OSTM1: variants seen among roughly 807,000 people sequenced by gnomAD.
OSTM1 encodes the protein osteopetrosis-associated transmembrane protein 1.
A neutral mutation model predicts 35.4 loss-of-function variants in OSTM1; 26 were observed. That is an observed-to-expected ratio of 0.73 (90% CI 0.54 to 1.02). OSTM1 has a LOEUF of 1.02. Among genes scored for constraint, OSTM1 ranks in the 50% least tolerant of loss-of-function variants. OSTM1 has a pLI of 0.00. For missense variants in OSTM1, 366 were observed against 409.6 expected, an observed-to-expected ratio of 0.89 and a Z score of 0.92; for synonymous variants, 181 against 165.0, an observed-to-expected ratio of 1.10 and a Z score of -0.75.
intron 1 of OSTM1, among the ~76,000 whole-genome samples, chr6:108,071,187 C>CAA (rs540297028): frequency 7.0e-6 from 1 of 141,948 alleles, no homozygotes; most frequent in Admixed American, 7.1e-5. Flanking sequence ...GACTCTGTCT[C>CAA]AAAAAAAAAA....
At chr6:108,052,532 T>TTTTTG (rs1772095201) in intron 3 of OSTM1, among the ~76,000 whole-genome samples, 1 of 149,430 alleles carries the variant, frequency 6.7e-6, no homozygotes, top group African/African-American at 2.5e-5. Context: ...TTTTTTTTTT[T>TTTTTG]GAGACACGGT....
At chr6:108,062,535 CT>C (rs780041339) in intron 2 of OSTM1, among the ~76,000 whole-genome samples, 590 of 131,022 alleles carry the variant, frequency 4.5e-3, no homozygotes, top group East Asian at 0.019. Flanking sequence ...CTTTTCTTTT[CT>C]TTTTTTTTTT....
Position 108,042,578 on chromosome 6 carries a change from G to C in OSTM1, c.*2207C>G, listed in dbSNP as rs1043009752. 1 of 151,716 alleles carries C rather than the reference G, an allele frequency of 6.6e-6. No individual in the cohort carries two copies. Among genetic ancestry groups the C allele is most frequent in the Non-Finnish European group, 1.5e-5 (1 of 67,962 alleles). 9.4% of individuals were successfully genotyped at this position (151,716 alleles called of 1,614,324 possible). A position where few individuals can be genotyped will look rare whatever the true frequency, so the allele number is the denominator to read the frequency against. ...CTACAGGCACTTACCACCATACCCA[G>C]CTAATTTTTGTATTTTTTGCAGAGA... On this transcript the variant is annotated 3_prime_UTR_variant, in exon 6 of 6. Transcript: ENST00000193322.
chr6:108,073,621 A>T (rs1772526591), intron 1 of OSTM1: 1 of 152,380 alleles, frequency 6.6e-6, no homozygotes, highest in Non-Finnish European at 1.5e-5. Context: ...AGAGAATGTA[A>T]GTAACTTGCC....
At chr6:108,054,157 C>T (rs1772129898) in intron 3 of OSTM1, among the ~76,000 whole-genome samples, 1 of 152,142 alleles carries the variant, frequency 6.6e-6, no homozygotes, top group Admixed American at 6.5e-5. Flanking sequence ...CTGCAAAATA[C>T]CTACGTAAGT....
intron 2 of OSTM1, among the ~76,000 whole-genome samples, chr6:108,063,770 C>T (rs1448253835): frequency 4.6e-5 from 7 of 152,180 alleles, no homozygotes; most frequent in Non-Finnish European, 1.0e-4. Flanking sequence ...ACACTAAATA[C>T]GTGTCAGGCA....
At chr6:108,073,847 T>C (rs923193491) in intron 1 of OSTM1, 11 of 217,888 alleles carry the variant, frequency 5.0e-5, no homozygotes, top group Non-Finnish European at 9.2e-6. Flanking sequence ...TTGGTGGACA[T>C]GAACATTTCT....
At chr6:108,056,233 T>C (rs569969255) in intron 2 of OSTM1, among the ~76,000 whole-genome samples, 1 of 152,256 alleles carries the variant, frequency 6.6e-6, no homozygotes, top group Admixed American at 6.5e-5. Context: ...GAGGGAAAAA[T>C]TATCATTATC....
At chr6:108,062,985 G>GCCCCTGCCCATGAC (rs11267778) in intron 2 of OSTM1, among the ~76,000 whole-genome samples, 1 of 151,762 alleles carries the variant, frequency 6.6e-6, no homozygotes, top group African/African-American at 2.4e-5. Flanking sequence ...ATACCTCTGT[G>GCCCCTGCCCATGAC]ACTACCTGCA....
At chr6:108,054,412 T>A (rs1018191609) in intron 3 of OSTM1, 78 bp downstream of exon 3, 8 of 647,862 alleles carry the variant, frequency 1.2e-5, no homozygotes, top group African/African-American at 1.1e-4. Flanking sequence ...CAATAATTAG[T>A]GCTCTAAAAA....
At chr6:108,067,997 C>A (rs1772410858) in intron 1 of OSTM1, among the ~76,000 whole-genome samples, 1 of 152,144 alleles carries the variant, frequency 6.6e-6, no homozygotes, top group African/African-American at 2.4e-5. Flanking sequence ...CCCTGTTCAA[C>A]CCACTCTGAT....
Position 108,041,874 on chromosome 6 carries a change from C to T in OSTM1, c.*2911G>A, listed in dbSNP as rs1771873712. 1 of 152,220 alleles carries T rather than the reference C, an allele frequency of 6.6e-6. No individual in the cohort carries two copies. Among genetic ancestry groups the T allele is most frequent in the Non-Finnish European group, 1.5e-5 (1 of 68,014 alleles). 9.4% of individuals were successfully genotyped at this position (152,220 alleles called of 1,614,324 possible). On this transcript the variant is annotated 3_prime_UTR_variant, in exon 6 of 6. Coordinates refer to ENST00000193322, the MANE Select transcript of OSTM1 (RefSeq NM_014028.4). The stretch of plus-strand genomic sequence containing the variant: ...AGATGGCCTCTAAGGTTTCTTCTAG[C>T]TCAGAAAATAGAGGTACTTGGAACA...
chr6:108,066,048 G>C (rs752959261), intron 1 of OSTM1, among the ~76,000 whole-genome samples: 5 of 152,158 alleles, frequency 3.3e-5, no homozygotes, highest in Non-Finnish European at 7.3e-5. Flanking sequence ...ATGATTATGT[G>C]GTATTCGGAG....
chr6:108,073,293 C>T (rs1194538776), intron 1 of OSTM1, among the ~76,000 whole-genome samples: 1 of 152,138 alleles, frequency 6.6e-6, no homozygotes, highest in Admixed American at 6.5e-5. Context: ...TTCTCCAATC[C>T]CAATGTTATT....
rs1370670172 is a variant in OSTM1, at chr6:108,042,494, C to T, written c.*2291G>A. The T allele has an allele frequency of 2.7e-5, 4 of 148,346 alleles. No homozygotes were observed. Among genetic ancestry groups the T allele is most frequent in the Admixed American group, 6.8e-5 (1 of 14,626 alleles). 9.2% of individuals were successfully genotyped at this position (148,346 alleles called of 1,614,324 possible). A position where few individuals can be genotyped will look rare whatever the true frequency, so the allele number is the denominator to read the frequency against. On this transcript the variant is annotated 3_prime_UTR_variant, in exon 6 of 6. Transcript: ENST00000193322. ...GCAGTGGTACAATCTTGGCTCATTG[C>T]AACCTCCACCTCCCGGGCTCAAGAC...
chr6:108,074,715 C>G lies in OSTM1; in HGVS notation c.-64G>C. ...CTCCGCCCCCAGCCGGCACCGCGGA[C>G]AGCCGCCGCTTCCGGTTTCCGCGAG... On this transcript the variant is annotated 5_prime_UTR_variant, in exon 1 of 6. Coordinates refer to ENST00000193322, the MANE Select transcript of OSTM1 (RefSeq NM_014028.4). 14 of 1,430,448 alleles carry G rather than the reference C, an allele frequency of 9.8e-6. No homozygotes were observed. The highest frequency in any genetic ancestry group is 1.3e-5 in the Non-Finnish European group (14 of 1,097,616). The allele number at this position is 1,430,448 out of a possible 1,614,324, so 88.6% of individuals were successfully genotyped here. A position where few individuals can be genotyped will look rare whatever the true frequency, so the allele number is the denominator to read the frequency against.
At chr6:108,064,664 AG>A (rs755021687) in intron 1 of OSTM1, among the ~76,000 whole-genome samples, 4 of 152,240 alleles carry the variant, frequency 2.6e-5, no homozygotes, top group Non-Finnish European at 5.9e-5. Flanking sequence ...GCCCCAAGCA[AG>A]GAACTAAGTC....
At chr6:108,055,791 C>T (rs1772160924) in intron 2 of OSTM1, among the ~76,000 whole-genome samples, 1 of 152,122 alleles carries the variant, frequency 6.6e-6, no homozygotes, top group Non-Finnish European at 1.5e-5. Flanking sequence ...GATCTCGGGG[C>T]AACAAAATGA....
chr6:108,052,238 T>C (rs1772087240), intron 3 of OSTM1, among the ~76,000 whole-genome samples: 1 of 152,006 alleles, frequency 6.6e-6, no homozygotes, highest in South Asian at 2.1e-4. Flanking sequence ...ATCGAGACCA[T>C]CCTGGCTAAC....
Sources: gnomAD v4.1 joint callset for allele counts (sites outside exome capture counted in the v4.1 genomes callset) on GRCh38, gnomAD v4.1.1 for gene constraint, MANE v1.5 for transcripts, NCBI Gene and HGNC (gene_info 2026-07-23, HGNC 2026-07-21) for gene names.